Variants in ECHDC2 observed in about 807,000 individuals in gnomAD.
The protein encoded by ECHDC2 is enoyl-CoA hydratase domain-containing protein 2, mitochondrial.
Under a neutral mutation model 40.6 loss-of-function variants are expected in ECHDC2, and 34 were observed. The ratio of observed to expected loss-of-function variants is 0.84; its 90% CI spans 0.64 to 1.11. ECHDC2 has a LOEUF of 1.11. Ranked by LOEUF, ECHDC2 falls within the 50% of genes most tolerant of loss-of-function variation. ECHDC2 has a pLI of 0.00. For missense variants in ECHDC2, 392 were observed against 400.7 expected, an observed-to-expected ratio of 0.98 and a Z score of 0.19; for synonymous variants, 162 against 166.6, an observed-to-expected ratio of 0.97 and a Z score of 0.21.
chr1:52,909,643 T>C (rs1348666965), intron 3 of ECHDC2, among the ~76,000 whole-genome samples: 1 of 152,156 alleles, frequency 6.6e-6, no homozygotes, highest in East Asian at 1.9e-4. Context: ...AGGCCGAGGG[T>C]TGGACAATGG....
intron 5 of ECHDC2, 177 bp downstream of exon 5, chr1:52,906,342 T>A: frequency 1.4e-6 from 1 of 696,504 alleles, no homozygotes; most frequent in South Asian, 1.5e-5. Flanking sequence ...AGCTAATGGC[T>A]GCACCAGGAG....
chr1:52,897,272 T>C, intron 9 of ECHDC2, 165 bp downstream of exon 9: 1 of 715,710 alleles, frequency 1.4e-6, no homozygotes, highest in Admixed American at 2.0e-5. Flanking sequence ...AGAGAAGCAC[T>C]ATGGCTCTCC....
chr1:52,905,150 C>G (rs959015175), intron 5 of ECHDC2, 60 bp from the exon 6 acceptor site: 15 of 1,575,264 alleles, frequency 9.5e-6, no homozygotes, highest in Non-Finnish European at 1.3e-5. Flanking sequence ...GTGCTAATCC[C>G]GGGGGCCACA....
intron 1 of ECHDC2, chr1:52,921,350 G>GC (rs1413709003): frequency 3.9e-6 from 5 of 1,267,084 alleles, no homozygotes; most frequent in East Asian, 2.9e-5. Context: ...GTTGCCAGAG[G>GC]CCCCCCGCCC....
intron 7 of ECHDC2, among the ~76,000 whole-genome samples, chr1:52,903,195 T>C (rs1429464283): frequency 7.2e-5 from 11 of 152,110 alleles, no homozygotes; most frequent in Non-Finnish European, 2.9e-5. Context: ...GGGCCTGACC[T>C]GCTCCCTACT....
chr1:52,921,021 C>G (rs1651759711), intron 1 of ECHDC2, among the ~76,000 whole-genome samples: 1 of 152,264 alleles, frequency 6.6e-6, no homozygotes, highest in Non-Finnish European at 1.5e-5. Context: ...CCGCTCCATA[C>G]TATCCTTGAT....
Position 52,921,706 on chromosome 1 carries a change from CG to C in ECHDC2, c.-34del. ...CAGGCTGGGAGTGAAGGTGCTTCTC[CG>C]GCCCTGCACCGTCTCGGCTCCCGCT... is the stretch of plus-strand genomic sequence containing the variant. On this transcript the variant is annotated 5_prime_UTR_variant, in exon 1 of 10. Coordinates refer to ENST00000371522, the MANE Select transcript of ECHDC2 (RefSeq NM_001198961.2). 6.8e-7 allele frequency: 1 copy of C among 1,466,692 alleles called. No individual in the cohort carries two copies. Among genetic ancestry groups the C allele is most frequent in the Non-Finnish European group, 9.0e-7 (1 of 1,113,628 alleles). The allele number at this position is 1,466,692 out of a possible 1,614,324, so 90.9% of individuals were successfully genotyped here. A position where few individuals can be genotyped will look rare whatever the true frequency, so the allele number is the denominator to read the frequency against.
chr1:52,919,869 G>C (rs1226256294), intron 1 of ECHDC2, among the ~76,000 whole-genome samples: 1 of 152,222 alleles, frequency 6.6e-6, no homozygotes, highest in Non-Finnish European at 1.5e-5. Context: ...AGGGGCAGAG[G>C]CTTAATCTGC....
At chr1:52,912,101 GAC>G (rs1027101913) in intron 1 of ECHDC2, 2,848 of 1,213,520 alleles carry the variant, frequency 2.3e-3, no homozygotes, top group East Asian at 5.0e-3. Flanking sequence ...TAGACAGACA[GAC>G]ACACACACAC....
chr1:52,901,159 A>AAAAT (rs5774130), intron 7 of ECHDC2: 3,269 of 147,288 alleles, frequency 0.022, 51 homozygotes, highest in East Asian at 0.073. Context: ...CCCTGTCTCA[A>AAAAT]AAATAAATAA....
Position 52,897,364 on chromosome 1 carries a change from A to G in ECHDC2, c.801+73T>C, listed in dbSNP as rs945075605. On this transcript the variant is annotated intron_variant, in intron 9 of 9. Coordinates refer to ENST00000371522, the MANE Select transcript of ECHDC2 (RefSeq NM_001198961.2). ...TGAGAAGAACCTTCTAAAATTGGTC[A>G]TGTACCATACAAAGTCCCTCTAGCC... is the stretch of plus-strand genomic sequence containing the variant. 6.8e-6 allele frequency: 10 copies of G among 1,473,434 alleles called. No homozygotes were observed. In the African/African-American group the frequency reaches 1.2e-4, roughly 18 times the overall value. The allele number at this position is 1,473,434 out of a possible 1,614,324, so 91.3% of individuals were successfully genotyped here.
chr1:52,915,257 C>T (rs766163064), intron 1 of ECHDC2: 2 of 456,012 alleles, frequency 4.4e-6, no homozygotes, highest in Admixed American at 4.7e-5. Context: ...CCTTCAAAGA[C>T]CCCTTATTAT....
At chr1:52,916,167 A>G (rs1650625980) in intron 1 of ECHDC2, among the ~76,000 whole-genome samples, 1 of 152,232 alleles carries the variant, frequency 6.6e-6, no homozygotes, top group African/African-American at 2.4e-5. Flanking sequence ...TGACGTACAG[A>G]AACTAAAAAA....
chr1:52,905,183 C>T, intron 5 of ECHDC2, 93 bp from the exon 6 acceptor site: 1 of 1,400,066 alleles, frequency 7.1e-7, no homozygotes, highest in South Asian at 1.2e-5. Context: ...GTCTACTCGC[C>T]CCTCTAGCCA....
At chr1:52,916,752 T>C (rs1485435436) in intron 1 of ECHDC2, among the ~76,000 whole-genome samples, 1 of 152,146 alleles carries the variant, frequency 6.6e-6, no homozygotes, top group Non-Finnish European at 1.5e-5. Flanking sequence ...CCCTGTGTTC[T>C]TAGTCTAGCC....
intron 3 of ECHDC2, among the ~76,000 whole-genome samples, chr1:52,911,361 G>C (rs1212203263): frequency 6.6e-6 from 1 of 152,128 alleles, no homozygotes; most frequent in African/African-American, 2.4e-5. Context: ...GGGTTAGAGA[G>C]GCCAAGTTCA....
chr1:52,920,953 C>G (rs546858636), intron 1 of ECHDC2, among the ~76,000 whole-genome samples: 56 of 152,356 alleles, frequency 3.7e-4, no homozygotes, highest in African/African-American at 1.3e-3. Context: ...AAACGCAACA[C>G]GCGATCAGAG....
rs761464881 is a variant in ECHDC2 at position 52,911,770 on chromosome 1, TC to T, written c.141del (p.Met47IlefsTer40). On this transcript the variant is annotated frameshift_variant, in exon 2 of 10. Transcript: ENST00000371522. LOFTEE classifies it high-confidence loss of function. Reference sequence around the variant, plus strand: ...AAGGCATTGCGGGCAGAAGGTCTGTTCATCAGAATCTCAGTGATCCCTGTAA... The same window carrying T: ...AAGGCATTGCGGGCAGAAGGTCTGTTATCAGAATCTCAGTGATCCCTGTAA... ...GPDQGITEIL[M>X]NRPSARNALG... 6.2e-7 allele frequency: 1 copy of T among 1,613,950 alleles called. No individual in the cohort carries two copies. The highest frequency in any genetic ancestry group is 1.3e-5 in the African/African-American group (1 of 74,914).
In ECHDC2 at chr1:52,910,359, T is replaced by C. The variant is rs892396493; in HGVS notation, c.277+1207A>G. On this transcript the variant is annotated intron_variant, in intron 3 of 9. Coordinates refer to ENST00000371522, the MANE Select transcript of ECHDC2 (RefSeq NM_001198961.2). ...ATATTTCACCACAATTTCGTTTTTT[T>C]TTTTTTTTTTTTTTTTTTTTTTTTT... 6.0e-4 allele frequency among the ~76,000 whole-genome samples: 52 copies of C among 86,904 alleles called. 5 individuals are homozygous for C. The highest frequency in any genetic ancestry group is 2.8e-3 in the African/African-American group (49 of 17,678). The allele number at this position is 86,904 out of a possible 152,430, so 57.0% of individuals were successfully genotyped here. A position where few individuals can be genotyped will look rare whatever the true frequency, so the allele number is the denominator to read the frequency against.
Sources: allele counts gnomAD v4.1 joint callset (sites outside exome capture counted in the v4.1 genomes callset), GRCh38; gene constraint gnomAD v4.1.1; transcripts MANE v1.5; gene names NCBI Gene and HGNC (gene_info 2026-07-23, HGNC 2026-07-21).